The following CAPN8 variants were observed in gnomAD, a reference collection of about 807,000 sequenced individuals.
The protein encoded by CAPN8 is calpain-8.
Under a neutral mutation model 80.9 loss-of-function variants are expected in CAPN8, and 87 were observed. The ratio of observed to expected loss-of-function variants is 1.07; its 90% confidence interval spans 0.90 to 1.28. CAPN8 has a LOEUF of 1.28. Among genes scored for constraint, CAPN8 ranks in the 50% most tolerant of loss-of-function variants. The probability of loss-of-function intolerance (pLI) is 0.00; values close to 1 mark genes in which losing one functional copy is unlikely to be tolerated. For synonymous variants in CAPN8, 299 were observed against 273.8 expected (o/e 1.09, Z -0.91); for missense variants, 757 against 702.0 (o/e 1.08, Z -0.89).
intron 2 of CAPN8, among the ~76,000 whole-genome samples, chr1:223,649,789 G>A (rs1156854748): frequency 6.6e-6 from 1 of 152,184 alleles, no homozygotes; most frequent in East Asian, 1.9e-4. Context: ...GATCAAAAGT[G>A]CAACAAACAT....
intron 17 of CAPN8, 58 bp from the exon 18 acceptor site, chr1:223,544,908 C>T (rs1656578693): frequency 1.3e-6 from 2 of 1,549,672 alleles, no homozygotes; most frequent in East Asian, 2.4e-5. Context: ...CTGCCAGAAC[C>T]ATCTCCCTCC....
rs1200835785 is a variant in CAPN8 at position 223,549,326 on chromosome 1, G to C, written c.1756C>G (p.Leu586Val). The change falls in exon 16 of 21, where the codon CTG (leucine) becomes GTG (valine). Residue 586 changes from leucine (L) to valine (V), a missense_variant. Coordinates refer to ENST00000366872, the MANE Select transcript of CAPN8 (RefSeq NM_001143962.2). ...NINTCREMIS[L>V]LDSNGTGTLG... is the part of the protein sequence containing the mutation. ...CAACATTTAAAGGATACATCCAACA[G>C]ACTGATCATTTCCCTGCAAGTGTTG... 2.6e-6 allele frequency: 4 copies of C among 1,551,606 alleles called. No individual in the cohort carries two copies. The highest frequency in any genetic ancestry group is 3.5e-6 in the Non-Finnish European group (4 of 1,147,018).
In CAPN8 at chr1:223,635,639, T is replaced by G. The variant is rs542521979; in HGVS notation, c.308-6859A>C. On this transcript the variant is annotated intron_variant, in intron 2 of 20. Coordinates refer to ENST00000366872, the MANE Select transcript of CAPN8 (RefSeq NM_001143962.2). ...AGTCTATCACTAGTAAAGCTAAAATTCTTACTGACTGAATTCACCTCAGTG... is the reference window on the plus strand; with the variant it reads ...AGTCTATCACTAGTAAAGCTAAAATGCTTACTGACTGAATTCACCTCAGTG... Among the ~76,000 whole-genome samples, 5 of 140,922 alleles carry G rather than the reference T, an allele frequency of 3.5e-5. No homozygotes were observed. In the East Asian group the frequency reaches 1.1e-3, roughly 30 times the overall value. 92.5% of individuals were successfully genotyped at this position (140,922 alleles called of 152,430 possible). A position where few individuals can be genotyped will look rare whatever the true frequency, so the allele number is the denominator to read the frequency against.
At chr1:223,652,377 C>G (rs896666331) in intron 2 of CAPN8, among the ~76,000 whole-genome samples, 12 of 151,932 alleles carry the variant, frequency 7.9e-5, no homozygotes, top group Admixed American at 4.6e-4. Flanking sequence ...TTTTAGAAAC[C>G]CTTAGAGCAG....
intron 1 of CAPN8, among the ~76,000 whole-genome samples, chr1:223,656,340 G>A (rs1015031795): frequency 6.6e-6 from 1 of 151,816 alleles, no homozygotes; most frequent in Non-Finnish European, 1.5e-5. Flanking sequence ...ATGGTGGTGC[G>A]CCCCCGTAAT....
chr1:223,613,038 GC>G (rs1015317993), intron 10 of CAPN8, among the ~76,000 whole-genome samples: 2 of 148,452 alleles, frequency 1.3e-5, no homozygotes, highest in African/African-American at 5.1e-5. Flanking sequence ...CAGAGTAGAA[GC>G]TTTCCCATGC....
At chr1:223,551,068 T>C in intron 14 of CAPN8, 51 bp from the exon 15 acceptor site, 2 of 713,436 alleles carry the variant, frequency 2.8e-6, no homozygotes, top group Admixed American at 2.0e-5. Context: ...ACAAGTTGTT[T>C]CAAGACAGTA....
intron 2 of CAPN8, among the ~76,000 whole-genome samples, chr1:223,638,856 C>A (rs914628849): frequency 1.3e-5 from 2 of 152,212 alleles, no homozygotes; most frequent in Non-Finnish European, 2.9e-5. Flanking sequence ...GTTCTCTGCA[C>A]CTTCTTTGAA....
At chr1:223,658,761 G>A (rs943000558) in intron 1 of CAPN8, among the ~76,000 whole-genome samples, 8 of 152,194 alleles carry the variant, frequency 5.3e-5, no homozygotes, top group South Asian at 2.1e-4. Context: ...AGCCAAGATC[G>A]CGCCACCGCA....
intron 2 of CAPN8, 54 bp downstream of exon 2, chr1:223,654,276 C>T (rs1658418964): frequency 1.4e-6 from 2 of 1,446,408 alleles, no homozygotes; most frequent in Non-Finnish European, 1.9e-6. Context: ...TTACTCATGA[C>T]ACATACACAC....
At chr1:223,640,208 T>C (rs749533225) in intron 2 of CAPN8, among the ~76,000 whole-genome samples, 4 of 152,018 alleles carry the variant, frequency 2.6e-5, no homozygotes, top group Non-Finnish European at 5.9e-5. Context: ...TTCTTAAGAG[T>C]TCTTATAAAG....
intron 10 of CAPN8, among the ~76,000 whole-genome samples, chr1:223,613,513 C>A (rs1558340271): frequency 6.6e-6 from 1 of 152,220 alleles, no homozygotes; most frequent in Non-Finnish European, 1.5e-5. Flanking sequence ...AGAAACTGAG[C>A]CAGGCAGGTG....
intron 11 of CAPN8, 115 bp downstream of exon 11, chr1:223,612,131 G>T: frequency 1.2e-6 from 1 of 868,396 alleles, no homozygotes; most frequent in Non-Finnish European, 1.5e-6. Flanking sequence ...GATCATGTGA[G>T]AGCTGTGGAA....
At chr1:223,638,888 A>C (rs979680617) in intron 2 of CAPN8, among the ~76,000 whole-genome samples, 1 of 152,162 alleles carries the variant, frequency 6.6e-6, no homozygotes, top group Non-Finnish European at 1.5e-5. Flanking sequence ...ACCTCAGCCT[A>C]ATGGACCTTG....
intron 1 of CAPN8, among the ~76,000 whole-genome samples, chr1:223,661,632 T>A (rs1319542815): frequency 6.6e-6 from 1 of 151,852 alleles, no homozygotes; most frequent in East Asian, 1.9e-4. Context: ...TGAAACTCCA[T>A]CTCAAAAAAG....
At chr1:223,551,483 A>T (rs140018845) in intron 14 of CAPN8, among the ~76,000 whole-genome samples, 1 of 152,302 alleles carries the variant, frequency 6.6e-6, no homozygotes, top group East Asian at 1.9e-4. Context: ...TAAAAACTCA[A>T]ATTATCCTCT....
At chr1:223,542,271 A>G (rs1328125640) in intron 20 of CAPN8, among the ~76,000 whole-genome samples, 1 of 67,908 alleles carries the variant, frequency 1.5e-5, no homozygotes, top group African/African-American at 6.7e-5. Context: ...CTATATGTGT[A>G]TATATATATA....
intron 6 of CAPN8, among the ~76,000 whole-genome samples, chr1:223,623,653 T>C (rs1657470281): frequency 6.6e-6 from 1 of 152,156 alleles, no homozygotes; most frequent in Non-Finnish European, 1.5e-5. Flanking sequence ...CCTAGCCCAA[T>C]GTTTGCATGT....
intron 2 of CAPN8, chr1:223,642,608 A>G (rs1658074580): frequency 2.8e-6 from 1 of 361,316 alleles, no homozygotes; most frequent in Non-Finnish European, 5.4e-6. Flanking sequence ...CAGAGAGTTA[A>G]TGTACTTCAA....
Sources: gnomAD v4.1 joint callset for allele counts (sites outside exome capture counted in the v4.1 genomes callset) on GRCh38, gnomAD v4.1.1 for gene constraint, MANE v1.5 for transcripts, NCBI Gene and HGNC (gene_info 2026-07-23, HGNC 2026-07-21) for gene names.